Variants in SNX8 observed in about 807,000 individuals in gnomAD.
The protein encoded by SNX8 is sorting nexin-8.
SNX8 carries 25 observed loss-of-function variants against 51.6 expected under a neutral mutation model. The ratio of observed to expected loss-of-function variants is 0.48; its 90% CI spans 0.35 to 0.68. The LOEUF is 0.68. SNX8 is among the 30% of genes least tolerant of loss of function. The pLI, the probability that SNX8 is intolerant of heterozygous loss-of-function variation, is 0.00. For synonymous variants in SNX8, 324 were observed against 277.0 expected, an observed-to-expected ratio of 1.17 and a Z score of -1.68; for missense variants, 695 against 624.0, an observed-to-expected ratio of 1.11 and a Z score of -1.21.
chr7:2,348,338 CTTTTTTTTTTT>C, intron 1 of SNX8, among the ~76,000 whole-genome samples: 1 of 93,668 alleles, frequency 1.1e-5, no homozygotes, highest in East Asian at 3.3e-4. Context: ...TTCTTTCTTT[CTTTTTTTTTTT>C]TTTTTTTTTG....
At chr7:2,327,101 T>A (rs1267528053) in intron 1 of SNX8, among the ~76,000 whole-genome samples, 2 of 152,176 alleles carry the variant, frequency 1.3e-5, no homozygotes, top group Non-Finnish European at 2.9e-5. Flanking sequence ...GGATTCCTTC[T>A]TGCTTCTTCC....
intron 1 of SNX8, among the ~76,000 whole-genome samples, chr7:2,279,378 C>T (rs959641375): frequency 5.9e-4 from 90 of 151,842 alleles, no homozygotes; most frequent in African/African-American, 2.1e-3. Flanking sequence ...CACACTACAC[C>T]CACTCATGCT....
intron 1 of SNX8, among the ~76,000 whole-genome samples, chr7:2,286,842 T>A (rs1339150335): frequency 2.0e-5 from 3 of 152,050 alleles, no homozygotes; most frequent in Non-Finnish European, 2.9e-5. Context: ...TTTATATTTT[T>A]AAAAAATTAA....
chr7:2,286,530 T>A lies in SNX8; in HGVS notation c.95-8225A>T, dbSNP rs554644535. ...ATACGGGCTATTTTATAATTTTTTT[T>A]TTTTTTTAATGGAGTCTTGCTCTGT... is the stretch of plus-strand genomic sequence containing the variant. On this transcript the variant is annotated intron_variant, in intron 1 of 10. Coordinates refer to ENST00000222990, the MANE Select transcript of SNX8 (RefSeq NM_013321.4). Among the ~76,000 whole-genome samples the A allele has an allele frequency of 1.2e-3, 179 of 151,842 alleles. 2 individuals are homozygous for A. Among genetic ancestry groups the A allele is most frequent in the Middle Eastern group, 6.8e-3 (2 of 294 alleles).
At chr7:2,294,321 G>A (rs960548798) in intron 1 of SNX8, among the ~76,000 whole-genome samples, 1 of 151,868 alleles carries the variant, frequency 6.6e-6, no homozygotes, top group Non-Finnish European at 1.5e-5. Context: ...ACCACAGTGA[G>A]ATGTCACCAC....
intron 1 of SNX8, among the ~76,000 whole-genome samples, chr7:2,341,693 A>G (rs1194635918): frequency 1.3e-5 from 2 of 152,044 alleles, no homozygotes; most frequent in Non-Finnish European, 2.9e-5. Context: ...ACCAAAAACT[A>G]AAAACAAGCA....
chr7:2,272,468 AG>A (rs1404013220), intron 3 of SNX8, among the ~76,000 whole-genome samples: 4 of 150,228 alleles, frequency 2.7e-5, no homozygotes, highest in Non-Finnish European at 5.9e-5. Flanking sequence ...TCCGCCTTCC[AG>A]GTTCAAGCGA....
Position 2,264,411 on chromosome 7 carries a change from C to G in SNX8, c.669G>C (p.Glu223Asp), listed in dbSNP as rs768779756. The change falls in exon 6 of 11, where the codon GAG (glutamate) becomes GAC (aspartate). Residue 223 changes from glutamate to aspartate, a missense_variant. Glu to Asp is a conservative substitution (Grantham distance 45, BLOSUM62 2). Transcript: ENST00000222990. The stretch of plus-strand genomic sequence containing the variant: ...AGCTATTGTAGATGTTCCGGATCAG[C>G]TCCCGGCTGATGGCAAACTGAGCCT... The part of the protein sequence containing the change: ...DIQAQFAISR[E>D]LIRNIYNSFH... 8.7e-6 allele frequency: 14 copies of G among 1,612,374 alleles called. No individual in the cohort carries two copies. In the South Asian group the frequency reaches 1.4e-4, roughly 16 times the overall value.
At chr7:2,279,612 G>A (rs115497971) in intron 1 of SNX8, among the ~76,000 whole-genome samples, 1,786 of 152,122 alleles carry the variant, frequency 0.012, 38 homozygotes, top group African/African-American at 0.041. Context: ...TTAGCCATGC[G>A]TGGTGGCTCA....
chr7:2,345,115 C>G (rs1778996456), intron 1 of SNX8, among the ~76,000 whole-genome samples: 1 of 152,082 alleles, frequency 6.6e-6, no homozygotes, highest in Non-Finnish European at 1.5e-5. Flanking sequence ...GTCATATTCT[C>G]TAAACTATAG....
At chr7:2,321,947 C>G (rs966597992) in intron 1 of SNX8, among the ~76,000 whole-genome samples, 1 of 150,200 alleles carries the variant, frequency 6.7e-6, no homozygotes, top group Non-Finnish European at 1.5e-5. Context: ...TGGTCTCGAA[C>G]TCCTGGCCTC....
chr7:2,349,216 A>C (rs1013707189), intron 1 of SNX8, among the ~76,000 whole-genome samples: 6 of 151,478 alleles, frequency 4.0e-5, no homozygotes, highest in African/African-American at 1.2e-4. Context: ...AAACAAAAAA[A>C]AAAAAAGTAA....
upstream of SNX8, among the ~76,000 whole-genome samples, chr7:2,317,844 G>A (rs1584736486): frequency 6.6e-6 from 1 of 151,952 alleles, no homozygotes; most frequent in Non-Finnish European, 1.5e-5. Context: ...GCAGTGAGCC[G>A]AGATCGAGAT....
chr7:2,256,829 A>T, intron 10 of SNX8, 45 bp downstream of exon 10: 1 of 1,579,376 alleles, frequency 6.3e-7, no homozygotes, highest in Non-Finnish European at 8.6e-7. Context: ...GGAGGGACAA[A>T]GAAAGGCCGT....
chr7:2,273,902 TAAA>T (rs560129465), intron 3 of SNX8, among the ~76,000 whole-genome samples: 5 of 125,874 alleles, frequency 4.0e-5, no homozygotes, highest in Non-Finnish European at 6.9e-5. Context: ...AGACTCCATG[TAAA>T]AAAAAAAAAA....
chr7:2,293,787 A>C (rs1017942765), intron 1 of SNX8, among the ~76,000 whole-genome samples: 4 of 144,120 alleles, frequency 2.8e-5, no homozygotes, highest in Admixed American at 1.4e-4. Flanking sequence ...ACATGGTGAA[A>C]TCCCGTCTCT....
chr7:2,261,219 G>C lies in SNX8; in HGVS notation c.915+2011C>G, dbSNP rs530117100. On this transcript the variant is annotated intron_variant, in intron 7 of 10. Coordinates refer to ENST00000222990, the MANE Select transcript of SNX8 (RefSeq NM_013321.4). ...AGGCCGAGGCTGGCGGATCACTTGA[G>C]GTCAGGAGTTTGAGACCAGCCCGGC... 2.6e-5 allele frequency among the ~76,000 whole-genome samples: 4 copies of C among 152,328 alleles called. No homozygotes were observed. In the East Asian group the frequency reaches 7.7e-4, roughly 29 times the overall value.
chr7:2,273,796 C>CTG (rs1795707312), intron 3 of SNX8, among the ~76,000 whole-genome samples: 1 of 124,874 alleles, frequency 8.0e-6, no homozygotes, highest in Non-Finnish European at 1.7e-5. Flanking sequence ...CCCAGCTACG[C>CTG]GGGAGGCTGA....
intron 6 of SNX8, among the ~76,000 whole-genome samples, chr7:2,263,712 A>G (rs1795393265): frequency 6.6e-6 from 1 of 151,830 alleles, no homozygotes; most frequent in African/African-American, 2.4e-5. Context: ...CCCCAAGTCA[A>G]AGGGATCTTT....
Sources: gnomAD v4.1 joint callset for allele counts (sites outside exome capture counted in the v4.1 genomes callset) on GRCh38, gnomAD v4.1.1 for gene constraint, MANE v1.5 for transcripts, NCBI Gene and HGNC (gene_info 2026-07-23, HGNC 2026-07-21) for gene names.